Variants in PLCG2 observed in about 807,000 individuals in gnomAD.
The protein encoded by PLCG2 is 1-phosphatidylinositol 4,5-bisphosphate phosphodiesterase gamma-2.
A neutral mutation model predicts 175.6 loss-of-function variants in PLCG2; 69 were observed. The observed-to-expected ratio is 0.39, with a 90% CI of 0.32 to 0.48. The LOEUF (loss-of-function observed/expected upper bound fraction) is 0.48, where lower values mean the gene tolerates loss of function less well. Ranked by LOEUF, PLCG2 falls within the 20% of genes least tolerant of loss-of-function variation. The pLI, the probability that PLCG2 is intolerant of heterozygous loss-of-function variation, is 0.91. For synonymous variants in PLCG2, 827 were observed against 624.0 expected (o/e 1.33, Z -4.85); for missense variants, 1,798 against 1,650.9 (o/e 1.09, Z -1.54).
chr16:81,945,579 G>A (rs1290103912), intron 30 of PLCG2, among the ~76,000 whole-genome samples: 3 of 152,208 alleles, frequency 2.0e-5, no homozygotes, highest in African/African-American at 7.2e-5. Context: ...ACTGAATGGG[G>A]GTGGGGGAGA....
intron 3 of PLCG2, among the ~76,000 whole-genome samples, chr16:81,857,011 T>G (rs12917955): frequency 6.6e-6 from 1 of 151,952 alleles, no homozygotes; most frequent in Non-Finnish European, 1.5e-5. Context: ...CAGAAGGAAT[T>G]CAGAGATCTC....
chr16:81,878,470 TA>T (rs1347823792), intron 7 of PLCG2, among the ~76,000 whole-genome samples: 3 of 152,182 alleles, frequency 2.0e-5, no homozygotes, highest in Non-Finnish European at 4.4e-5. Flanking sequence ...ATACTAGCTA[TA>T]ACTTTTTCTA....
At chr16:81,824,559 T>C (rs191473313) in intron 2 of PLCG2, among the ~76,000 whole-genome samples, 11 of 152,322 alleles carry the variant, frequency 7.2e-5, no homozygotes, top group Admixed American at 7.2e-4. Context: ...TGTTTGGATC[T>C]CCCTCAGGCC....
intron 6 of PLCG2, 45 bp downstream of exon 6, chr16:81,869,343 A>T: frequency 7.4e-7 from 1 of 1,353,088 alleles, no homozygotes; most frequent in South Asian, 1.2e-5. Context: ...ATGCGGAGTG[A>T]CTTAGCCTCT....
intron 5 of PLCG2, among the ~76,000 whole-genome samples, chr16:81,868,666 T>C (rs1210807598): frequency 6.6e-6 from 1 of 152,254 alleles, no homozygotes; most frequent in African/African-American, 2.4e-5. Context: ...ACATTCAGAG[T>C]CCTGGGCAGA....
intron 24 of PLCG2, 67 bp from the exon 25 acceptor site, chr16:81,931,430 G>A: frequency 6.7e-7 from 1 of 1,494,770 alleles, no homozygotes; most frequent in South Asian, 1.2e-5. Context: ...GCTCAGGCAG[G>A]GTGCAGTCTG....
intron 8 of PLCG2, 124 bp downstream of exon 8, chr16:81,881,077 C>T (rs1031469566): frequency 1.1e-6 from 1 of 924,700 alleles, no homozygotes; most frequent in Non-Finnish European, 1.7e-6. Context: ...GCAGGGGGCC[C>T]CTGCTGGGGA....
intron 32 of PLCG2, 118 bp from the exon 33 acceptor site, chr16:81,957,838 C>G (rs956442342): frequency 3.2e-5 from 28 of 867,030 alleles, no homozygotes; most frequent in Non-Finnish European, 5.0e-5. Flanking sequence ...GACACTCAGC[C>G]CTATACCATC....
intron 2 of PLCG2, among the ~76,000 whole-genome samples, chr16:81,825,615 G>C (rs1905016210): frequency 6.6e-6 from 1 of 152,172 alleles, no homozygotes; most frequent in African/African-American, 2.4e-5. Context: ...TAATCTTTTA[G>C]AGCAGTAATA....
chr16:81,956,772 G>A lies in PLCG2; in HGVS notation c.3648G>A (p.Leu1216=), dbSNP rs761646110. Residue 1216 remains leucine, a synonymous_variant, in exon 32 of 33, where the codon CTG becomes CTA. Coordinates refer to ENST00000564138, the MANE Select transcript of PLCG2 (RefSeq NM_002661.5). ...RQEELNNQLF[L]YDTHQNLRNA... ...AAGAACTGAACAACCAGCTCTTTCT[G>A]TATGACACACACCAGAACTTGCGCA... 6.2e-7 allele frequency: 1 copy of A among 1,614,178 alleles called. No individual in the cohort carries two copies. The highest frequency in any genetic ancestry group is 1.1e-5 in the South Asian group (1 of 91,078).
chr16:81,849,805 A>T (rs1035967386), intron 2 of PLCG2, among the ~76,000 whole-genome samples: 13 of 151,854 alleles, frequency 8.6e-5, no homozygotes, highest in African/African-American at 3.1e-4. Flanking sequence ...AAACCAAAAA[A>T]ATTCCCTCTT....
intron 15 of PLCG2, chr16:81,906,248 G>A (rs1480198785): frequency 2.0e-5 from 3 of 152,080 alleles, no homozygotes; most frequent in African/African-American, 7.2e-5. Context: ...GTGCATTTAG[G>A]TTGTCCTGAC....
intron 14 of PLCG2, among the ~76,000 whole-genome samples, chr16:81,901,272 T>C (rs1909140425): frequency 6.6e-6 from 1 of 152,210 alleles, no homozygotes; most frequent in Non-Finnish European, 1.5e-5. Flanking sequence ...GCAATAGAGC[T>C]GATGTTCCCA....
chr16:81,777,796 A>T (rs1036232301), upstream of PLCG2, among the ~76,000 whole-genome samples: 3 of 151,890 alleles, frequency 2.0e-5, no homozygotes, highest in African/African-American at 7.3e-5. Context: ...TGGGTGGATC[A>T]CTTGAGGTCA....
chr16:81,869,298 G>C lies in PLCG2; in HGVS notation c.564G>C (p.Val188=). The change falls in exon 6 of 33, where the codon GTG becomes GTC. Residue 188 remains valine (V), a splice_region_variant and synonymous_variant. Transcript: ENST00000564138. ...CCAAGTTCCTTAAAGATAAGTTTGT[G>C]GTAAGTTTCATGGCTCAGCCTGGGA... ...SSAKFLKDKF[V]EIGAHKDELS... 5 of 1,607,936 alleles carry C rather than the reference G, an allele frequency of 3.1e-6. No individual in the cohort carries two copies. Among genetic ancestry groups the C allele is most frequent in the Non-Finnish European group, 4.3e-6 (5 of 1,174,364 alleles).
intron 2 of PLCG2, chr16:81,767,991 G>A (rs1326166390): frequency 6.6e-6 from 1 of 152,276 alleles, no homozygotes; most frequent in South Asian, 2.1e-4. Context: ...CAGGGTTCAA[G>A]CGATTCTCCT....
chr16:81,908,638 C>A, intron 17 of PLCG2, 47 bp downstream of exon 17: 2 of 1,522,926 alleles, frequency 1.3e-6, no homozygotes. Context: ...TCCATGCCAA[C>A]CGATGAGGCA....
intron 12 of PLCG2, among the ~76,000 whole-genome samples, chr16:81,894,628 T>G (rs955083546): frequency 6.6e-6 from 1 of 152,144 alleles, no homozygotes; most frequent in African/African-American, 2.4e-5. Flanking sequence ...ATCCCAGCAC[T>G]GTGAGAGGTC....
At position 81,939,902 on chromosome 16, in the gene PLCG2, C is replaced by T. The variant is rs575691570; in HGVS notation, c.3324C>T (p.Gly1108=). ...KFKTTVVNDN[G]LSPIWAPTQE... is the part of the protein sequence containing the mutation. ...TTGATCTCCTTCCAGATGATAATGG[C>T]CTCAGCCCTATCTGGGCTCCAACAC... The change falls in exon 30 of 33, where the codon GGC becomes GGT. Residue 1108 remains glycine, a synonymous_variant. Coordinates refer to ENST00000564138, the MANE Select transcript of PLCG2 (RefSeq NM_002661.5). 5.6e-6 allele frequency: 9 copies of T among 1,612,690 alleles called. No individual in the cohort carries two copies. In the African/African-American group the frequency reaches 9.3e-5, roughly 17 times the overall value.
Sources: allele counts gnomAD v4.1 joint callset (sites outside exome capture counted in the v4.1 genomes callset), GRCh38; gene constraint gnomAD v4.1.1; transcripts MANE v1.5; gene names NCBI Gene and HGNC (gene_info 2026-07-23, HGNC 2026-07-21).